The following ATP8A2 variants were observed in gnomAD, a reference collection of about 807,000 sequenced individuals.
ATP8A2 encodes the protein phospholipid-transporting ATPase IB.
Under a neutral mutation model 165.6 loss-of-function variants are expected in ATP8A2, and 100 were observed. The observed-to-expected ratio is 0.60, with a 90% CI of 0.51 to 0.71. The LOEUF is 0.71. ATP8A2 is among the 30% of genes least tolerant of loss of function. The probability of loss-of-function intolerance (pLI) is 0.00; values close to 1 mark genes in which losing one functional copy is unlikely to be tolerated. For missense variants in ATP8A2, 1,227 were observed against 1,479.5 expected, an observed-to-expected ratio of 0.83 and a Z score of 2.80; for synonymous variants, 543 against 548.8, an observed-to-expected ratio of 0.99 and a Z score of 0.15.
intron 33 of ATP8A2, among the ~76,000 whole-genome samples, chr13:25,873,534 C>T (rs978626474): frequency 6.6e-6 from 1 of 152,086 alleles, no homozygotes; most frequent in Non-Finnish European, 1.5e-5. Context: ...TATTTAATGT[C>T]TAAGATTGTG....
intron 31 of ATP8A2, 71 bp from the exon 32 acceptor site, chr13:25,860,733 G>A (rs1029873445): frequency 1.6e-6 from 2 of 1,232,712 alleles, no homozygotes; most frequent in Non-Finnish European, 2.3e-6. Context: ...TGGAGAGATG[G>A]GATTTCTCAT....
chr13:25,398,143 C>G (rs2033493273), intron 1 of ATP8A2, among the ~76,000 whole-genome samples: 1 of 152,150 alleles, frequency 6.6e-6, no homozygotes, highest in African/African-American at 2.4e-5. Flanking sequence ...TGTAAATTTT[C>G]CCCACATGAG....
chr13:25,898,038 C>T (rs1431320795), intron 33 of ATP8A2, among the ~76,000 whole-genome samples: 1 of 152,230 alleles, frequency 6.6e-6, no homozygotes, highest in African/African-American at 2.4e-5. Context: ...CTCAACTCGT[C>T]AAAGTCATTC....
At chr13:25,423,706 G>A (rs1209795165) in intron 1 of ATP8A2, among the ~76,000 whole-genome samples, 2 of 152,174 alleles carry the variant, frequency 1.3e-5, no homozygotes, top group African/African-American at 4.8e-5. Context: ...GTTAAGTTGA[G>A]CATCTTTTTA....
At chr13:25,445,409 G>A (rs936073564) in intron 1 of ATP8A2, among the ~76,000 whole-genome samples, 1 of 152,124 alleles carries the variant, frequency 6.6e-6, no homozygotes, top group Non-Finnish European at 1.5e-5. Context: ...TTGCAGCCTC[G>A]TCTCCTTTAT....
intron 33 of ATP8A2, among the ~76,000 whole-genome samples, chr13:25,947,671 G>A (rs1955248381): frequency 1.3e-5 from 2 of 152,190 alleles, no homozygotes; most frequent in East Asian, 3.9e-4. Context: ...CCCCATCCCT[G>A]TGGAAGCAGC....
intron 27 of ATP8A2, among the ~76,000 whole-genome samples, chr13:25,801,045 G>T (rs531941495): frequency 6.6e-6 from 1 of 152,160 alleles, no homozygotes; most frequent in African/African-American, 2.4e-5. Flanking sequence ...AGCTGCTGAG[G>T]TCTGTTTGTA....
At chr13:25,403,191 C>T (rs553478819) in intron 1 of ATP8A2, among the ~76,000 whole-genome samples, 53 of 152,246 alleles carry the variant, frequency 3.5e-4, no homozygotes, top group African/African-American at 9.6e-4. Context: ...TGAGAGGACA[C>T]GGCAAACAAG....
intron 33 of ATP8A2, among the ~76,000 whole-genome samples, chr13:25,944,217 G>A (rs942912437): frequency 1.3e-5 from 2 of 152,164 alleles, no homozygotes; most frequent in African/African-American, 4.8e-5. Context: ...AGGCATATAG[G>A]CCTGTAAGAG....
intron 24 of ATP8A2, among the ~76,000 whole-genome samples, chr13:25,643,861 T>C (rs1221031630): frequency 6.6e-6 from 1 of 152,120 alleles, no homozygotes; most frequent in African/African-American, 2.4e-5. Context: ...ATGGACAATT[T>C]AACAATATTA....
At chr13:25,482,893 A>G (rs1164877495) in intron 2 of ATP8A2, among the ~76,000 whole-genome samples, 1 of 152,172 alleles carries the variant, frequency 6.6e-6, no homozygotes, top group Non-Finnish European at 1.5e-5. Flanking sequence ...CTGTAATTCC[A>G]ATTAAACCTC....
At chr13:25,866,923 G>T (rs1414141913) in intron 33 of ATP8A2, among the ~76,000 whole-genome samples, 1 of 152,120 alleles carries the variant, frequency 6.6e-6, no homozygotes, top group Non-Finnish European at 1.5e-5. Context: ...CCACCGTAAG[G>T]GCAGCTAGCT....
intron 24 of ATP8A2, among the ~76,000 whole-genome samples, chr13:25,615,828 G>T (rs2040808874): frequency 6.6e-6 from 1 of 152,148 alleles, no homozygotes; most frequent in African/African-American, 2.4e-5. Context: ...AGGTTCCCCT[G>T]TGGTTCAGGG....
chr13:25,509,986 T>C (rs2037170446), intron 2 of ATP8A2, among the ~76,000 whole-genome samples: 1 of 152,226 alleles, frequency 6.6e-6, no homozygotes, highest in Non-Finnish European at 1.5e-5. Flanking sequence ...AACACTGCTA[T>C]GCTGGCTGGC....
intron 25 of ATP8A2, among the ~76,000 whole-genome samples, chr13:25,726,813 T>A (rs2043504318): frequency 6.6e-6 from 1 of 152,200 alleles, no homozygotes. Flanking sequence ...ATAGGAATTA[T>A]CAATTCCAGG....
intron 24 of ATP8A2, among the ~76,000 whole-genome samples, chr13:25,604,680 T>C (rs1405460660): frequency 2.0e-5 from 3 of 152,244 alleles, no homozygotes; most frequent in African/African-American, 7.2e-5. Context: ...AAACTTAATG[T>C]ACCAAGCTCT....
At chr13:25,700,744 C>G (rs1409070736) in intron 25 of ATP8A2, among the ~76,000 whole-genome samples, 1 of 152,168 alleles carries the variant, frequency 6.6e-6, no homozygotes, top group African/African-American at 2.4e-5. Flanking sequence ...CTGGGTCATG[C>G]AGTAACTCCA....
At chr13:25,506,760 G>A (rs1226191773) in intron 2 of ATP8A2, among the ~76,000 whole-genome samples, 1 of 151,792 alleles carries the variant, frequency 6.6e-6, no homozygotes, top group Admixed American at 6.6e-5. Context: ...TGGCCTGAAG[G>A]TTATTTTATA....
In ATP8A2 at chr13:25,637,092, CAAAAAAAAAA is replaced by C. The variant is rs56069703; in HGVS notation, c.2211+47413_2211+47422del. ...TGGGTGACAGAGCAAGACCCTGTCT[CAAAAAAAAAA>C]AAAAAAAAAAAAAAAAAAAGATTAA... is the stretch of plus-strand genomic sequence containing the variant. On this transcript the variant is annotated intron_variant, in intron 24 of 36. Transcript: ENST00000381655. Among the ~76,000 whole-genome samples, 62 of 67,690 alleles carry C rather than the reference CAAAAAAAAAA, an allele frequency of 9.2e-4. 1 individual carries two copies. The highest frequency in any genetic ancestry group is 3.0e-3 in the African/African-American group (52 of 17,544). The allele number at this position is 67,690 out of a possible 152,430, so 44.4% of individuals were successfully genotyped here.
Sources: gnomAD v4.1 joint callset for allele counts (sites outside exome capture counted in the v4.1 genomes callset) on GRCh38, gnomAD v4.1.1 for gene constraint, MANE v1.5 for transcripts, NCBI Gene and HGNC (gene_info 2026-07-23, HGNC 2026-07-21) for gene names.